Variants in GRAMD1A observed in about 807,000 individuals in gnomAD.
The protein encoded by GRAMD1A is protein Aster-A.
A neutral mutation model predicts 92.0 loss-of-function variants in GRAMD1A; 50 were observed. The ratio of observed to expected loss-of-function variants is 0.54; its 90% confidence interval spans 0.43 to 0.69. GRAMD1A has a LOEUF of 0.69. GRAMD1A is among the 30% of genes least tolerant of loss of function. GRAMD1A has a pLI of 0.00. For missense variants in GRAMD1A, 819 were observed against 978.9 expected (o/e 0.84, Z 2.18); for synonymous variants, 405 against 403.6 (o/e 1.00, Z -0.04).
chr19:35,022,814 C>G (rs2016161269), intron 16 of GRAMD1A, 86 bp from the exon 17 acceptor site: 1 of 1,434,960 alleles, frequency 7.0e-7, no homozygotes, highest in African/African-American at 1.4e-5. Context: ...CAGCCAAGAG[C>G]TGCCCCGGGT....
At chr19:34,999,917 T>A, upstream of GRAMD1A, 2 of 760,564 alleles carry the variant, frequency 2.6e-6, no homozygotes, top group South Asian at 5.8e-5. Flanking sequence ...TCAGGCCCCC[T>A]CCCCCATACA....
chr19:35,001,370 G>T (rs891418281), intron 1 of GRAMD1A: 1 of 152,506 alleles, frequency 6.6e-6, no homozygotes. Flanking sequence ...GTGTCTGAGT[G>T]TGACGTTGGA....
intron 17 of GRAMD1A, 90 bp downstream of exon 17, chr19:35,023,001 C>G (rs2016182074): frequency 2.7e-6 from 3 of 1,101,622 alleles, no homozygotes; most frequent in African/African-American, 3.1e-5. Flanking sequence ...CCCCAGCTCC[C>G]CCAGGGAGGT....
chr19:35,012,998 T>G, intron 7 of GRAMD1A: 1 of 449,566 alleles, frequency 2.2e-6, no homozygotes. Flanking sequence ...AAAAAAGATA[T>G]AAAAAAAATG....
chr19:35,025,945 G>C, intron 19 of GRAMD1A, 104 bp from the exon 20 acceptor site: 1 of 716,402 alleles, frequency 1.4e-6, no homozygotes, highest in South Asian at 1.5e-5. Flanking sequence ...GGGCAGTATG[G>C]CCTCTAGACC....
In GRAMD1A at chr19:35,021,879, G is replaced by A; in HGVS notation, c.1753+15G>A. ...TCACACCTCGGGTACGTTCCGTTGGGGCCGGGTTGGGGTAGGCGGAGGATC... is the reference window on the plus strand; with the variant it reads ...TCACACCTCGGGTACGTTCCGTTGGAGCCGGGTTGGGGTAGGCGGAGGATC... On this transcript the variant is annotated intron_variant, in intron 15 of 19. Coordinates refer to ENST00000317991, the MANE Select transcript of GRAMD1A (RefSeq NM_020895.5). This position sits in a 1 kb window ranked among gnomAD's most constrained non-coding sequence, Gnocchi z 5.3. 1 of 1,605,454 alleles carries A rather than the reference G, an allele frequency of 6.2e-7. No homozygotes were observed. Among genetic ancestry groups the A allele is most frequent in the Non-Finnish European group, 8.5e-7 (1 of 1,174,724 alleles).
At chr19:35,011,410 C>T in intron 6 of GRAMD1A, 64 bp from the exon 7 acceptor site, 2 of 1,221,062 alleles carry the variant, frequency 1.6e-6, no homozygotes, top group East Asian at 2.3e-5. Context: ...GGTGGCGCTT[C>T]CCCACCTCTG....
Position 35,013,116 on chromosome 19 carries a change from C to A in GRAMD1A, c.607-140C>A. On this transcript the variant is annotated intron_variant, in intron 7 of 19. Transcript: ENST00000317991. This position sits in a 1 kb window ranked among gnomAD's most constrained non-coding sequence, Gnocchi z 4.9. ...GCAGGGGATTCCCCGCTTGCTGAGG[C>A]CAGGTCTGGTGCGGGAGATCGTGGC... 1.7e-6 allele frequency: 1 copy of A among 600,930 alleles called. No individual in the cohort carries two copies. 37.2% of individuals were successfully genotyped at this position (600,930 alleles called of 1,614,324 possible). A position where few individuals can be genotyped will look rare whatever the true frequency, so the allele number is the denominator to read the frequency against.
chr19:35,026,170 C>T lies in GRAMD1A; in HGVS notation c.*29C>T. 1 of 1,141,776 alleles carries T rather than the reference C, an allele frequency of 8.8e-7. No individual in the cohort carries two copies. The highest frequency in any genetic ancestry group is 1.3e-6 in the Non-Finnish European group (1 of 750,260). 70.7% of individuals were successfully genotyped at this position (1,141,776 alleles called of 1,614,324 possible). On this transcript the variant is annotated 3_prime_UTR_variant, in exon 20 of 20. Coordinates refer to ENST00000317991, the MANE Select transcript of GRAMD1A (RefSeq NM_020895.5). Reference sequence around the variant, plus strand: ...CCCCGGCCACGCAGCTGTTCCCCCACATGGACAGATGGACACACAGAGCCT... The same window carrying T: ...CCCCGGCCACGCAGCTGTTCCCCCATATGGACAGATGGACACACAGAGCCT...
Position 35,000,526 on chromosome 19 carries a change from G to A in GRAMD1A, c.8+40G>A. 4.0e-6 allele frequency: 5 copies of A among 1,252,574 alleles called. No individual in the cohort carries two copies. The highest frequency in any genetic ancestry group is 4.0e-6 in the Non-Finnish European group (4 of 992,078). The allele number at this position is 1,252,574 out of a possible 1,614,324, so 77.6% of individuals were successfully genotyped here. A position where few individuals can be genotyped will look rare whatever the true frequency, so the allele number is the denominator to read the frequency against. ...ACTAGAGCTCAGGGACCGGGCGCGC[G>A]GGGGAGGCCACCGGAGGGAGGGGGC... On this transcript the variant is annotated intron_variant, in intron 1 of 19. Transcript: ENST00000317991. The surrounding 1 kb of genome is among the most constrained non-coding windows in gnomAD (Gnocchi z 4.9).
chr19:35,010,464 G>A (rs1448760519), intron 6 of GRAMD1A, 85 bp downstream of exon 6: 4 of 895,860 alleles, frequency 4.5e-6, no homozygotes, highest in Non-Finnish European at 7.4e-6. Context: ...CATTTGTTCT[G>A]CACCCTGAGT....
At position 35,000,685 on chromosome 19, in the gene GRAMD1A, C is replaced by T. The variant is rs1407728078; in HGVS notation, c.8+199C>T. ...CGAGGGGTGCAGCTGGGGAGTGGGG[C>T]GCGGACGCAGGGCAGGGCCCGGGGT... On this transcript the variant is annotated intron_variant, in intron 1 of 19. Coordinates refer to ENST00000317991, the MANE Select transcript of GRAMD1A (RefSeq NM_020895.5). The surrounding 1 kb of genome is among the most constrained non-coding windows in gnomAD (Gnocchi z 4.9). Among the ~76,000 whole-genome samples the T allele has an allele frequency of 6.6e-6, 1 of 151,688 alleles. No individual in the cohort carries two copies. Among genetic ancestry groups the T allele is most frequent in the East Asian group, 2.0e-4 (1 of 5,122 alleles).
At chr19:35,002,239 A>G (rs1018146391) in intron 1 of GRAMD1A, among the ~76,000 whole-genome samples, 1 of 152,044 alleles carries the variant, frequency 6.6e-6, no homozygotes, top group Admixed American at 6.5e-5. Context: ...CAGTTAGTAT[A>G]GCATGTGCCA....
chr19:35,018,800 T>A (rs575581000), intron 11 of GRAMD1A, among the ~76,000 whole-genome samples: 1 of 152,070 alleles, frequency 6.6e-6, no homozygotes, highest in Admixed American at 6.5e-5. Flanking sequence ...GGCCTACCGC[T>A]CCAGTGGGAG....
Position 35,026,241 on chromosome 19 carries a change from C to A in GRAMD1A, c.*100C>A. The A allele has an allele frequency of 1.5e-6, 1 of 689,006 alleles. No homozygotes were observed. Among genetic ancestry groups the A allele is most frequent in the Admixed American group, 2.1e-5 (1 of 48,596 alleles). 42.7% of individuals were successfully genotyped at this position (689,006 alleles called of 1,614,324 possible). On this transcript the variant is annotated 3_prime_UTR_variant, in exon 20 of 20. Transcript: ENST00000317991. ...GTGTGAGCGCCAGGCATCTCCCACC[C>A]GCCCCTCCCGACGGCCCAACCAGGG...
intron 11 of GRAMD1A, among the ~76,000 whole-genome samples, chr19:35,017,355 C>T (rs1420491024): frequency 1.3e-5 from 2 of 152,138 alleles, no homozygotes; most frequent in Admixed American, 6.5e-5. Flanking sequence ...ACACGCCAGC[C>T]CTTTTAGGAC....
At chr19:35,011,802 A>G (rs2015260396) in intron 7 of GRAMD1A, among the ~76,000 whole-genome samples, 1 of 152,226 alleles carries the variant, frequency 6.6e-6, no homozygotes, top group Non-Finnish European at 1.5e-5. Context: ...CCTGAAGGAC[A>G]TCCAGGTTCC....
At chr19:35,014,451 A>G in intron 10 of GRAMD1A, 64 bp downstream of exon 10, 1 of 1,412,472 alleles carries the variant, frequency 7.1e-7, no homozygotes, top group South Asian at 1.2e-5. Context: ...GTCTTAAGCA[A>G]GAGGGGATGG....
At chr19:35,006,306 C>G (rs1002336744) in intron 1 of GRAMD1A, among the ~76,000 whole-genome samples, 1 of 152,028 alleles carries the variant, frequency 6.6e-6, no homozygotes, top group African/African-American at 2.4e-5. Context: ...TGGGTGACAG[C>G]GCGACTCTTT....
Sources: gnomAD v4.1 joint callset for allele counts (sites outside exome capture counted in the v4.1 genomes callset) on GRCh38, gnomAD v4.1.1 for gene constraint, Gnocchi (gnomAD v3.1) non-coding constraint, MANE v1.5 for transcripts, NCBI Gene and HGNC (gene_info 2026-07-23, HGNC 2026-07-21) for gene names.